HECW1: variants seen among roughly 807,000 people sequenced by gnomAD.
HECW1 encodes the protein HECT, C2 and WW domain containing E3 ubiquitin protein ligase 1.
Under a neutral mutation model 182.3 loss-of-function variants are expected in HECW1, and 61 were observed. The ratio of observed to expected loss-of-function variants is 0.33; its 90% CI spans 0.27 to 0.41. The LOEUF (loss-of-function observed/expected upper bound fraction) is 0.41. HECW1 is among the 10% of genes least tolerant of loss of function. The pLI is 1.00. For missense variants in HECW1, 1,739 were observed against 2,108.9 expected, an observed-to-expected ratio of 0.82 and a Z score of 3.44; for synonymous variants, 859 against 832.6, an observed-to-expected ratio of 1.03 and a Z score of -0.55.
At chr7:43,388,459 T>G (rs2074888759) in intron 6 of HECW1, among the ~76,000 whole-genome samples, 1 of 152,184 alleles carries the variant, frequency 6.6e-6, no homozygotes, top group Admixed American at 6.5e-5. Flanking sequence ...CTAGAAAAAC[T>G]TCCTAATTTT....
intron 6 of HECW1, among the ~76,000 whole-genome samples, chr7:43,374,773 C>CA (rs66910107): frequency 0.064 from 932 of 14,514 alleles, 197 homozygotes; most frequent in East Asian, 0.07. Context: ...GACTCCGTCT[C>CA]AAAAAAAAAA....
At chr7:43,366,093 A>T (rs1204499870) in intron 6 of HECW1, among the ~76,000 whole-genome samples, 4 of 150,392 alleles carry the variant, frequency 2.7e-5, no homozygotes, top group Non-Finnish European at 5.9e-5. Context: ...ACAGAGCAAG[A>T]CTGTCTCACA....
chr7:43,469,768 G>C lies in HECW1; in HGVS notation c.3099+663G>C, dbSNP rs566759073. 2.0e-5 allele frequency among the ~76,000 whole-genome samples: 3 copies of C among 152,214 alleles called. No homozygotes were observed. In the South Asian group the frequency reaches 6.2e-4, roughly 32 times the overall value. Reference sequence around the variant, plus strand: ...TATTCAAAGGACAGGCCAAGTACTAGAACTGAACCTGTGTAACCTTCTATG... The same window carrying C: ...TATTCAAAGGACAGGCCAAGTACTACAACTGAACCTGTGTAACCTTCTATG... On this transcript the variant is annotated intron_variant, in intron 16 of 29. Coordinates refer to ENST00000395891, the MANE Select transcript of HECW1 (RefSeq NM_015052.5).
intron 3 of HECW1, among the ~76,000 whole-genome samples, chr7:43,306,849 AT>A (rs1807630219): frequency 6.6e-6 from 1 of 152,260 alleles, no homozygotes; most frequent in South Asian, 2.1e-4. Context: ...TGCTTTTAAG[AT>A]TCTGTTTTTT....
At chr7:43,390,174 C>A (rs2074965971) in intron 6 of HECW1, among the ~76,000 whole-genome samples, 1 of 152,096 alleles carries the variant, frequency 6.6e-6, no homozygotes, top group African/African-American at 2.4e-5. Flanking sequence ...GGACCCTGTG[C>A]CTTGTCTTCA....
intron 2 of HECW1, among the ~76,000 whole-genome samples, chr7:43,146,545 T>G (rs1415484294): frequency 6.6e-6 from 1 of 152,220 alleles, no homozygotes; most frequent in Non-Finnish European, 1.5e-5. Context: ...ATGGAACATT[T>G]ACAGTTGGAC....
chr7:43,541,443 A>G (rs1247219978), intron 25 of HECW1, among the ~76,000 whole-genome samples, 182 bp downstream of exon 25: 1 of 152,204 alleles, frequency 6.6e-6, no homozygotes, highest in African/African-American at 2.4e-5. Flanking sequence ...ATAAAAAGGT[A>G]TTTGGGGATT....
Position 43,500,736 on chromosome 7 carries a change from G to A in HECW1, c.3475G>A (p.Gly1159Arg), listed in dbSNP as rs754704016. The A allele has an allele frequency of 3.1e-6, 5 of 1,613,794 alleles. No individual in the cohort carries two copies. Among genetic ancestry groups the A allele is most frequent in the South Asian group, 2.2e-5 (2 of 91,066 alleles). ...TTACATTCGGACTGAGGGTAATCAC[G>A]GGCTTGAGAAGTTGTCCTGTGATGC... The part of the protein sequence containing the change: ...IHYIRTEGNH[G>R]LEKLSCDADL... The change falls in exon 20 of 30, where the codon GGG becomes AGG. Residue 1159 changes from glycine (G) to arginine (R), a missense_variant. Physicochemically the swap from Gly to Arg is moderately radical, Grantham distance 125. Around this residue, in one of 5 missense-constraint regions of HECW1, gnomAD observed 420 missense variants for 595.7 expected, o/e 0.71. Transcript: ENST00000395891.
chr7:43,231,841 C>G (rs1197067473), intron 2 of HECW1, among the ~76,000 whole-genome samples: 2 of 151,336 alleles, frequency 1.3e-5, no homozygotes, highest in Non-Finnish European at 1.5e-5. Context: ...ACAGTGAAAC[C>G]CTGTCTCTAC....
chr7:43,540,489 G>A (rs1490196994), intron 24 of HECW1, among the ~76,000 whole-genome samples: 1 of 152,226 alleles, frequency 6.6e-6, no homozygotes, highest in Non-Finnish European at 1.5e-5. Context: ...TGCTCAGGAA[G>A]TCAATGCTCC....
Position 43,542,601 on chromosome 7 carries a change from C to T in HECW1, c.4248+603C>T, listed in dbSNP as rs552912788. On this transcript the variant is annotated intron_variant, in intron 26 of 29. Coordinates refer to ENST00000395891, the MANE Select transcript of HECW1 (RefSeq NM_015052.5). Reference sequence around the variant, plus strand: ...CACCCATTTGTCTGTTGATGAACACCTGGGTTTTTCCACCTTTTGGCTATT... The same window carrying T: ...CACCCATTTGTCTGTTGATGAACACTTGGGTTTTTCCACCTTTTGGCTATT... 4.0e-5 allele frequency among the ~76,000 whole-genome samples: 6 copies of T among 151,794 alleles called. 1 individual carries two copies. In the East Asian group the frequency reaches 7.7e-4, roughly 20 times the overall value.
intron 10 of HECW1, 52 bp downstream of exon 10, chr7:43,442,681 G>T: frequency 8.0e-7 from 1 of 1,246,856 alleles, no homozygotes; most frequent in African/African-American, 1.5e-5. Flanking sequence ...TCATAAGTGT[G>T]GTTCCTTTTT....
At chr7:43,396,982 C>A in intron 7 of HECW1, 93 bp downstream of exon 7, 1 of 894,256 alleles carries the variant, frequency 1.1e-6, no homozygotes. Context: ...ACCTACAAGT[C>A]AGTCAACCTC....
At chr7:43,183,974 C>A (rs1793113013) in intron 2 of HECW1, among the ~76,000 whole-genome samples, 1 of 150,270 alleles carries the variant, frequency 6.7e-6, no homozygotes. Context: ...AAAAAAAAAT[C>A]AAGATGTGAT....
intron 8 of HECW1, among the ~76,000 whole-genome samples, chr7:43,430,779 T>TTTATTATTATTA (rs150459406): frequency 0.014 from 1,930 of 141,712 alleles, 48 homozygotes; most frequent in African/African-American, 0.047. Flanking sequence ...TTTATTTTTC[T>TTTATTATTATTA]TTATTATTAT....
At chr7:43,114,446 G>A in intron 2 of HECW1, 55 bp downstream of exon 2, 1 of 1,312,012 alleles carries the variant, frequency 7.6e-7, no homozygotes, top group Non-Finnish European at 1.0e-6. Context: ...CCACTAAGAA[G>A]GGATTAGAGT....
intron 20 of HECW1, 28 bp from the exon 21 acceptor site, chr7:43,501,183 CTT>C (rs567367189): frequency 0.031 from 22,520 of 728,484 alleles, 1 homozygote; most frequent in East Asian, 0.04. Context: ...TCTTTTCTTT[CTT>C]TTTTTTTTTT....
At chr7:43,545,836 G>GA (rs35897956) in intron 26 of HECW1, among the ~76,000 whole-genome samples, 46,663 of 151,730 alleles carry the variant, frequency 0.31, 7,295 homozygotes, top group Middle Eastern at 0.41. Flanking sequence ...GGAGGTGGAA[G>GA]GGGGGCAGGA....
intron 5 of HECW1, among the ~76,000 whole-genome samples, chr7:43,346,870 T>C (rs562368454): frequency 6.6e-6 from 1 of 152,272 alleles, no homozygotes; most frequent in East Asian, 1.9e-4. Context: ...TTTATACCAG[T>C]ACCATGCTGT....
Sources: allele counts gnomAD v4.1 joint callset (sites outside exome capture counted in the v4.1 genomes callset), GRCh38; gene constraint gnomAD v4.1.1; regional missense constraint gnomAD v4.1.1; transcripts MANE v1.5; gene names NCBI Gene and HGNC (gene_info 2026-07-23, HGNC 2026-07-21).